TPRG1: variants seen among roughly 807,000 people sequenced by gnomAD.
TPRG1 encodes the protein tumor protein p63 regulated 1, also known as tumor protein p63-regulated gene 1 protein.
A neutral mutation model predicts 29.3 loss-of-function variants in TPRG1; 29 were observed. That is an observed-to-expected ratio of 0.99 (90% CI 0.74 to 1.35). The LOEUF (loss-of-function observed/expected upper bound fraction) is 1.35, where lower values mean the gene tolerates loss of function less well. Among genes scored for constraint, TPRG1 ranks in the 40% most tolerant of loss-of-function variants. The pLI is 0.00. For synonymous variants in TPRG1, 130 were observed against 116.8 expected (o/e 1.11, Z -0.73); for missense variants, 327 against 335.0 (o/e 0.98, Z 0.19).
intron 4 of TPRG1, among the ~76,000 whole-genome samples, chr3:189,265,379 G>A (rs1457494911): frequency 6.6e-6 from 1 of 152,136 alleles, no homozygotes; most frequent in Non-Finnish European, 1.5e-5. Flanking sequence ...TAAAAAACCC[G>A]ATTTTCTTTT....
chr3:189,252,198 G>A (rs1034880791), intron 4 of TPRG1, among the ~76,000 whole-genome samples: 6 of 151,928 alleles, frequency 3.9e-5, no homozygotes, highest in East Asian at 1.9e-4. Context: ...CAGAGAGCAC[G>A]GGGTTGGGGG....
intron 1 of TPRG1, among the ~76,000 whole-genome samples, chr3:189,174,394 C>T (rs187304415): frequency 7.2e-5 from 11 of 152,258 alleles, no homozygotes; most frequent in African/African-American, 1.2e-4. Flanking sequence ...GTGCTGGGGC[C>T]GGGCAGCAAC....
intron 3 of TPRG1, chr3:189,217,828 A>G: frequency 1.0e-6 from 1 of 985,402 alleles, no homozygotes; most frequent in Non-Finnish European, 1.2e-6. Context: ...GAGGATTTAA[A>G]TGGCCTTTCA....
At chr3:189,104,888 TACTG>T (rs1322436438) in intron 1 of TPRG1, among the ~76,000 whole-genome samples, 2 of 152,146 alleles carry the variant, frequency 1.3e-5, no homozygotes, top group African/African-American at 4.8e-5. Flanking sequence ...TCCATAATTT[TACTG>T]ACCCATCCCC....
chr3:189,115,935 A>G (rs938921615), intron 1 of TPRG1, among the ~76,000 whole-genome samples: 5 of 152,178 alleles, frequency 3.3e-5, no homozygotes, highest in African/African-American at 1.2e-4. Context: ...ACACAATGAG[A>G]TACCACACCA....
chr3:189,179,287 A>G (rs1359456750), intron 1 of TPRG1, among the ~76,000 whole-genome samples: 2 of 152,172 alleles, frequency 1.3e-5, no homozygotes. Flanking sequence ...GCAGGCATGG[A>G]CATATTATTT....
chr3:189,254,778 G>T (rs980963554), intron 4 of TPRG1, among the ~76,000 whole-genome samples: 1 of 151,934 alleles, frequency 6.6e-6, no homozygotes, highest in Admixed American at 6.6e-5. Flanking sequence ...ATTCTCTTTT[G>T]TAGCAATTGT....
chr3:189,060,108 T>C (rs1203214397), intron 4 of TPRG1, among the ~76,000 whole-genome samples: 1 of 152,178 alleles, frequency 6.6e-6, no homozygotes, highest in Non-Finnish European at 1.5e-5. Context: ...GGCGCATGCC[T>C]GTAATCCCAG....
intron 3 of TPRG1, among the ~76,000 whole-genome samples, chr3:189,137,173 G>C (rs1723854291): frequency 1.3e-5 from 2 of 152,130 alleles, no homozygotes; most frequent in Non-Finnish European, 2.9e-5. Context: ...AAATCCCTGT[G>C]TATCTTCCAG....
intron 1 of TPRG1, among the ~76,000 whole-genome samples, chr3:189,126,678 C>G (rs1722535591): frequency 6.6e-6 from 1 of 152,166 alleles, no homozygotes. Flanking sequence ...GCTTGCTGAG[C>G]TTAGATCTAC....
chr3:189,089,893 TG>T (rs1718227411), intron 4 of TPRG1, among the ~76,000 whole-genome samples: 1 of 152,126 alleles, frequency 6.6e-6, no homozygotes, highest in East Asian at 1.9e-4. Context: ...TTATTTTGTT[TG>T]TCTTCTTTTT....
chr3:189,137,715 G>A (rs947492909), intron 3 of TPRG1, among the ~76,000 whole-genome samples: 6 of 152,078 alleles, frequency 3.9e-5, no homozygotes, highest in African/African-American at 1.2e-4. Flanking sequence ...GGGAAGTTCC[G>A]CATGTCTACA....
intron 1 of TPRG1, among the ~76,000 whole-genome samples, chr3:189,186,314 C>T (rs1451457067): frequency 1.3e-5 from 2 of 152,114 alleles, no homozygotes; most frequent in Non-Finnish European, 2.9e-5. Context: ...TGGAAATTTG[C>T]CCAGGGTACG....
rs113280203 is a variant in TPRG1, at chr3:189,228,352, G to A, written c.303-10381G>A. 7.4e-3 allele frequency among the ~76,000 whole-genome samples: 1,087 copies of A among 147,482 alleles called. 11 individuals are homozygous for A. The highest frequency in any genetic ancestry group is 0.027 in the African/African-American group (1,042 of 39,006). The stretch of plus-strand genomic sequence containing the variant: ...CTATAGATCAGTATTCCTCATAACT[G>A]TAGATGCAAAAATTCTTAATAGCAA... On this transcript the variant is annotated intron_variant, in intron 3 of 5. Coordinates refer to ENST00000345063, the MANE Select transcript of TPRG1 (RefSeq NM_198485.4).
At chr3:189,013,410 G>T (rs1190328070) in intron 3 of TPRG1, among the ~76,000 whole-genome samples, 1 of 152,022 alleles carries the variant, frequency 6.6e-6, no homozygotes, top group African/African-American at 2.4e-5. Context: ...CAGTTCTTTT[G>T]CATTTGCTGA....
At chr3:189,203,481 C>T (rs1048202170) in intron 1 of TPRG1, among the ~76,000 whole-genome samples, 5 of 152,062 alleles carry the variant, frequency 3.3e-5, no homozygotes, top group African/African-American at 1.2e-4. Flanking sequence ...GTGGAACATT[C>T]CAAGATAAAA....
Position 189,323,567 on chromosome 3 carries a change from C to T in TPRG1, c.*2747C>T, listed in dbSNP as rs1334263242. On this transcript the variant is annotated 3_prime_UTR_variant, in exon 6 of 6. Transcript: ENST00000345063. ...ACATTTCCTCCAGAAATTGTTTCTT[C>T]ATTACCATCGACCTACTGATTATGG... 1 of 152,116 alleles carries T rather than the reference C, an allele frequency of 6.6e-6. No homozygotes were observed. Among genetic ancestry groups the T allele is most frequent in the South Asian group, 2.1e-4 (1 of 4,830 alleles). The allele number at this position is 152,116 out of a possible 1,614,324, so 9.4% of individuals were successfully genotyped here. A position where few individuals can be genotyped will look rare whatever the true frequency, so the allele number is the denominator to read the frequency against.
At chr3:189,308,328 C>G (rs1241838409) in intron 4 of TPRG1, among the ~76,000 whole-genome samples, 1 of 152,178 alleles carries the variant, frequency 6.6e-6, no homozygotes, top group Non-Finnish European at 1.5e-5. Flanking sequence ...CCCAGGATTT[C>G]TTTCATGTGA....
intron 1 of TPRG1, among the ~76,000 whole-genome samples, chr3:189,102,254 TTCTACCTC>T (rs1454620617): frequency 6.6e-6 from 1 of 152,164 alleles, no homozygotes; most frequent in Non-Finnish European, 1.5e-5. Context: ...TAATGATAGT[TTCTACCTC>T]CTAGGGCTGT....
Sources: gnomAD v4.1 joint callset for allele counts (sites outside exome capture counted in the v4.1 genomes callset) on GRCh38, gnomAD v4.1.1 for gene constraint, MANE v1.5 for transcripts, NCBI Gene and HGNC (gene_info 2026-07-23, HGNC 2026-07-21) for gene names.